Variants in KCNIP4 observed in about 807,000 individuals in gnomAD.
KCNIP4 encodes potassium voltage-gated channel interacting protein 4.
In KCNIP4, 12 loss-of-function variants were observed where a neutral mutation model predicts 34.0. The observed-to-expected ratio is 0.35, with a 90% CI of 0.23 to 0.57. The LOEUF (loss-of-function observed/expected upper bound fraction) is 0.57, where lower values mean the gene tolerates loss of function less well. Ranked by LOEUF, KCNIP4 falls within the 20% of genes least tolerant of loss-of-function variation. KCNIP4 has a pLI of 0.83. For synonymous variants in KCNIP4, 124 were observed against 102.2 expected (o/e 1.21, Z -1.29); for missense variants, 238 against 311.7 (o/e 0.76, Z 1.78).
At chr4:21,808,577 G>C (rs1033983275) in intron 1 of KCNIP4, among the ~76,000 whole-genome samples, 4 of 152,108 alleles carry the variant, frequency 2.6e-5, no homozygotes, top group Non-Finnish European at 4.4e-5. Flanking sequence ...ACTATTAGTA[G>C]TTAAGTTTTG....
chr4:21,592,104 G>A (rs987796605), intron 1 of KCNIP4, among the ~76,000 whole-genome samples: 1 of 151,994 alleles, frequency 6.6e-6, no homozygotes, highest in Admixed American at 6.6e-5. Flanking sequence ...CAAAATCAGG[G>A]ATCTGACTTA....
At chr4:20,909,704 C>T (rs917796917) in intron 1 of KCNIP4, among the ~76,000 whole-genome samples, 1 of 152,188 alleles carries the variant, frequency 6.6e-6, no homozygotes, top group Non-Finnish European at 1.5e-5. Context: ...ATACTCACTT[C>T]CCTGTCTTCT....
chr4:21,313,480 A>C (rs570038605), intron 1 of KCNIP4, among the ~76,000 whole-genome samples: 2 of 152,248 alleles, frequency 1.3e-5, no homozygotes, highest in Non-Finnish European at 2.9e-5. Flanking sequence ...CTAACTACTC[A>C]CTTGTTATTA....
At chr4:21,125,466 C>T (rs1293094866) in intron 1 of KCNIP4, among the ~76,000 whole-genome samples, 3 of 151,986 alleles carry the variant, frequency 2.0e-5, no homozygotes, top group Non-Finnish European at 2.9e-5. Context: ...CTGCCCACCT[C>T]GGCCTTCCAA....
chr4:21,049,702 A>T (rs2108944159), intron 1 of KCNIP4, among the ~76,000 whole-genome samples: 1 of 152,286 alleles, frequency 6.6e-6, no homozygotes, highest in East Asian at 1.9e-4. Flanking sequence ...CTTTTGCTGT[A>T]ATCTGTACAA....
chr4:21,204,436 C>T (rs1442091828), intron 1 of KCNIP4, among the ~76,000 whole-genome samples: 3 of 152,046 alleles, frequency 2.0e-5, no homozygotes, highest in Non-Finnish European at 2.9e-5. Flanking sequence ...CTCTGTAAAT[C>T]GTAAAGTGCT....
At chr4:21,784,254 G>A (rs778683714) in intron 1 of KCNIP4, among the ~76,000 whole-genome samples, 9 of 152,086 alleles carry the variant, frequency 5.9e-5, no homozygotes, top group Non-Finnish European at 1.3e-4. Context: ...TGAGATGAGA[G>A]TTGGATGGGG....
chr4:21,396,994 C>T (rs1560365567), intron 1 of KCNIP4, among the ~76,000 whole-genome samples: 1 of 152,192 alleles, frequency 6.6e-6, no homozygotes, highest in African/African-American at 2.4e-5. Flanking sequence ...AGGAAACCAA[C>T]AGAATCTCAC....
intron 1 of KCNIP4, among the ~76,000 whole-genome samples, chr4:21,580,466 TC>T (rs1478378068): frequency 6.6e-6 from 1 of 152,104 alleles, no homozygotes; most frequent in Admixed American, 6.5e-5. Flanking sequence ...AAATGAAGAA[TC>T]CCTTGATGGG....
chr4:21,694,219 G>A (rs1712014241), intron 1 of KCNIP4, among the ~76,000 whole-genome samples: 1 of 152,070 alleles, frequency 6.6e-6, no homozygotes, highest in African/African-American at 2.4e-5. Flanking sequence ...CGTATTCTTG[G>A]AGCAATCCTA....
At chr4:21,785,100 G>A (rs1348724698) in intron 1 of KCNIP4, among the ~76,000 whole-genome samples, 1 of 152,010 alleles carries the variant, frequency 6.6e-6, no homozygotes, top group Non-Finnish European at 1.5e-5. Context: ...TAAGAATAGC[G>A]GTTTTTCACA....
chr4:20,990,242 T>C (rs766867796), intron 1 of KCNIP4, among the ~76,000 whole-genome samples: 4 of 152,186 alleles, frequency 2.6e-5, no homozygotes, highest in Admixed American at 6.5e-5. Flanking sequence ...CAAGCCTTTC[T>C]ATCTTGGGGT....
rs923565806 is a variant in KCNIP4 at position 20,916,255 on chromosome 4, C to T, written c.62-33546G>A. ...TCTATGATTTCTGCCCCAAAGAGCT[C>T]TCTTCTCTGACCTCCACCCACATTT... is the stretch of plus-strand genomic sequence containing the variant. On this transcript the variant is annotated intron_variant, in intron 1 of 8. Transcript: ENST00000382152. 6 of 899,510 alleles carry T rather than the reference C, an allele frequency of 6.7e-6. No homozygotes were observed. In the African/African-American group the frequency reaches 1.1e-4, roughly 16 times the overall value. 55.7% of individuals were successfully genotyped at this position (899,510 alleles called of 1,614,324 possible).
intron 1 of KCNIP4, among the ~76,000 whole-genome samples, chr4:21,207,084 GGTTA>G (rs1306170065): frequency 6.6e-6 from 1 of 152,062 alleles, no homozygotes; most frequent in African/African-American, 2.4e-5. Flanking sequence ...ACACCCCCCT[GGTTA>G]GTCAGGGTGG....
intron 3 of KCNIP4, among the ~76,000 whole-genome samples, chr4:20,804,284 C>T (rs1450056044): frequency 6.6e-6 from 1 of 152,024 alleles, no homozygotes; most frequent in African/African-American, 2.4e-5. Context: ...AAATTTGAAC[C>T]CAATTTCTTG....
At chr4:21,223,430 A>G (rs995674560) in intron 1 of KCNIP4, among the ~76,000 whole-genome samples, 1 of 152,198 alleles carries the variant, frequency 6.6e-6, no homozygotes, top group Non-Finnish European at 1.5e-5. Flanking sequence ...TTAAGGCACT[A>G]TGCATGTGGT....
At chr4:21,079,226 C>T (rs1745792601) in intron 1 of KCNIP4, among the ~76,000 whole-genome samples, 1 of 152,024 alleles carries the variant, frequency 6.6e-6, no homozygotes, top group Non-Finnish European at 1.5e-5. Context: ...CATTTTTTGG[C>T]ATCTCACACA....
chr4:20,868,762 C>T (rs1223793285), intron 2 of KCNIP4, among the ~76,000 whole-genome samples: 1 of 152,118 alleles, frequency 6.6e-6, no homozygotes, highest in African/African-American at 2.4e-5. Flanking sequence ...ACTGCATGTT[C>T]TTACTTGTGA....
intron 1 of KCNIP4, among the ~76,000 whole-genome samples, chr4:21,520,026 G>C (rs945681211): frequency 2.6e-5 from 4 of 151,912 alleles, no homozygotes; most frequent in African/African-American, 9.7e-5. Flanking sequence ...ATGTTTGAGG[G>C]AAGGAAGCAT....
Sources: allele counts gnomAD v4.1 joint callset (sites outside exome capture counted in the v4.1 genomes callset), GRCh38; gene constraint gnomAD v4.1.1; transcripts MANE v1.5; gene names NCBI Gene and HGNC (gene_info 2026-07-23, HGNC 2026-07-21).